BEND2: variants seen among roughly 807,000 people sequenced by gnomAD.
BEND2 encodes the protein BEN domain containing 2, also known as BEN domain-containing protein 2.
In BEND2, 19 loss-of-function variants were observed where a neutral mutation model predicts 43.8. The observed-to-expected ratio is 0.43, with a 90% CI of 0.30 to 0.64. The LOEUF (loss-of-function observed/expected upper bound fraction) is 0.64. Among genes scored for constraint, BEND2 ranks in the 30% least tolerant of loss-of-function variants. BEND2 has a pLI of 0.11. For synonymous variants in BEND2, 226 were observed against 210.1 expected, an observed-to-expected ratio of 1.08 and a Z score of -0.66; for missense variants, 544 against 574.0, an observed-to-expected ratio of 0.95 and a Z score of 0.53.
rs780231948 is a variant in BEND2, at chrX:18,184,385, G to C, written c.1289-3735C>G. On this transcript the variant is annotated intron_variant, in intron 8 of 13. Transcript: ENST00000380033. ...TAATCTCAGCTACTTGGGAGGCTGA[G>C]GCAGGAGAATCTCTTGAGCCCGGGA... Among the ~76,000 whole-genome samples the C allele has an allele frequency of 2.7e-5, 3 of 112,056 alleles. No homozygotes were observed. The East Asian group carries it at 8.5e-4, about 32-fold the overall frequency.
intron 7 of BEND2, among the ~76,000 whole-genome samples, chrX:18,191,485 C>A (rs1924768527): frequency 8.9e-6 from 1 of 111,866 alleles, no homozygotes; most frequent in African/African-American, 3.2e-5. Flanking sequence ...CTAAACATAC[C>A]ATTACCATAG....
rs773229467 is a variant in BEND2 at position 18,191,035 on chromosome X, A to T, written c.1254T>A (p.Asp418Glu). Residue 418 changes from aspartate to glutamate, a missense_variant, in exon 8 of 14, where the codon GAT (aspartate) becomes GAA (glutamate). Asp to Glu is a conservative substitution (Grantham distance 45, BLOSUM62 2). Coordinates refer to ENST00000380033, the MANE Select transcript of BEND2 (RefSeq NM_153346.5). ...TEMKNNCDQD[D>E]ASASACLTPD... ...GAGTGAGGCAGGCAGATGCTGAAGC[A>T]TCATCTTGGTCACAGTTATTTTTCA... The T allele has an allele frequency of 2.5e-6, 3 of 1,210,630 alleles. No individual in the cohort carries two copies. In the Admixed American group the frequency reaches 6.6e-5, roughly 26 times the overall value.
At chrX:18,195,542 T>C in intron 6 of BEND2, 100 bp from the exon 7 acceptor site, 1 of 838,917 alleles carries the variant, frequency 1.2e-6, no homozygotes, top group Non-Finnish European at 1.6e-6. Context: ...GAAAGAAAAC[T>C]AAAAAAATCT....
At chrX:18,172,185 T>C (rs1923997184) in intron 12 of BEND2, among the ~76,000 whole-genome samples, 1 of 110,835 alleles carries the variant, frequency 9.0e-6, no homozygotes, top group African/African-American at 3.3e-5. Context: ...AGAACATCCA[T>C]CATTTAATGG....
At chrX:18,202,497 G>A (rs1300894414) in intron 5 of BEND2, among the ~76,000 whole-genome samples, 2 of 111,588 alleles carry the variant, frequency 1.8e-5, no homozygotes, top group Non-Finnish European at 3.8e-5. Flanking sequence ...GGCTTCACAC[G>A]GCATTTTGAA....
rs1816757977 is a variant in BEND2 at position 18,165,202 on chromosome X, G to C, written c.2207C>G (p.Pro736Arg). 8.3e-7 allele frequency: 1 copy of C among 1,206,978 alleles called. No homozygotes were observed. The highest frequency in any genetic ancestry group is 1.8e-5 in the African/African-American group (1 of 56,944). ...TCCATTTTCCGAGAGATCACAAATTGGGTAGTTTTCTTGGAGGAACTCTGA... is the reference window on the plus strand; with the variant it reads ...TCCATTTTCCGAGAGATCACAAATTCGGTAGTTTTCTTGGAGGAACTCTGA... ...ALREFLQENY[P>R]ICDLSENGRD... Residue 736 changes from proline to arginine, a missense_variant, in exon 14 of 14, where the codon CCA (proline) becomes CGA (arginine). Coordinates refer to ENST00000380033, the MANE Select transcript of BEND2 (RefSeq NM_153346.5).
At chrX:18,213,371 A>G (rs143230813) in intron 3 of BEND2, among the ~76,000 whole-genome samples, 2,490 of 111,466 alleles carry the variant, frequency 0.022, 65 homozygotes, top group African/African-American at 0.075. Context: ...CCTGCATCAC[A>G]GTTACTGGGA....
intron 12 of BEND2, among the ~76,000 whole-genome samples, chrX:18,172,449 T>C (rs756015446): frequency 5.4e-5 from 6 of 111,459 alleles, no homozygotes; most frequent in Admixed American, 3.8e-4. Flanking sequence ...TCCAGCACTT[T>C]GGGAGGCTGA....
chrX:18,219,101 C>G (rs1483619544), intron 1 of BEND2, among the ~76,000 whole-genome samples: 5 of 111,800 alleles, frequency 4.5e-5, no homozygotes, highest in African/African-American at 1.3e-4. Flanking sequence ...TCCTGCGGGA[C>G]TCTCAAAGGC....
chrX:18,190,976 G>C, intron 8 of BEND2, 25 bp downstream of exon 8: 2 of 1,147,902 alleles, frequency 1.7e-6, no homozygotes, highest in South Asian at 3.8e-5. Context: ...AGTGCTACTT[G>C]TAACATATAT....
rs1432249651 is a variant in BEND2 at position 18,164,916 on chromosome X, C to T, written c.*93G>A. On this transcript the variant is annotated 3_prime_UTR_variant, in exon 14 of 14. Transcript: ENST00000380033. ...CAGGTGTCAATGCAAACTACTCTGC[C>T]AGTACAGCAGGCTGATTTTGGAATT... 5.3e-6 allele frequency: 5 copies of T among 952,114 alleles called. No individual in the cohort carries two copies. The South Asian group carries it at 7.0e-5, about 13-fold the overall frequency. 78.5% of individuals were successfully genotyped at this position (952,114 alleles called of 1,213,427 possible).
chrX:18,203,529 C>T lies in BEND2; in HGVS notation c.879G>A (p.Leu293=). The T allele has an allele frequency of 8.3e-7, 1 of 1,207,578 alleles. No individual in the cohort carries two copies. The highest frequency in any genetic ancestry group is 1.1e-6 in the Non-Finnish European group (1 of 892,336). ...AATTGGGATGGAAGCAGAAAGATGACAAGGCTCTACCTGGGCCCACATTTT... is the reference window on the plus strand; with the variant it reads ...AATTGGGATGGAAGCAGAAAGATGATAAGGCTCTACCTGGGCCCACATTTT... ...ENENVGPGRA[L]SSFCFHPNLE... Residue 293 remains leucine, a synonymous_variant, in exon 5 of 14, where the codon TTG becomes TTA. Coordinates refer to ENST00000380033, the MANE Select transcript of BEND2 (RefSeq NM_153346.5).
chrX:18,199,746 C>T (rs1602046990), intron 6 of BEND2, among the ~76,000 whole-genome samples: 1 of 109,428 alleles, frequency 9.1e-6, no homozygotes, highest in Admixed American at 9.8e-5. Flanking sequence ...CCTTGAAGAA[C>T]ATAAGGAAAA....
At chrX:18,185,922 A>G (rs1924555083) in intron 8 of BEND2, among the ~76,000 whole-genome samples, 1 of 111,229 alleles carries the variant, frequency 9.0e-6, no homozygotes, top group South Asian at 3.8e-4. Context: ...CCAGACAAAC[A>G]AAAGCTGACA....
At position 18,201,862 on chromosome X, in the gene BEND2, T is replaced by C. The variant is rs746142084; in HGVS notation, c.986A>G (p.Asn329Ser). 7.4e-6 allele frequency: 9 copies of C among 1,208,446 alleles called. No homozygotes were observed. Among genetic ancestry groups the C allele is most frequent in the Admixed American group, 2.2e-5 (1 of 45,505 alleles). The change falls in exon 6 of 14, where the codon AAT (asparagine) becomes AGT (serine). Residue 329 changes from asparagine (N) to serine (S), a missense_variant. Transcript: ENST00000380033. ...ANYPTLMGNY[N>S]GQNTASLSVF... ...AGATAAAGAGGCAGTATTTTGGCCATTGTAATTTCCCATTAAAGTTGGATA... is the reference window on the plus strand; with the variant it reads ...AGATAAAGAGGCAGTATTTTGGCCACTGTAATTTCCCATTAAAGTTGGATA...
At chrX:18,174,315 T>C (rs1229889099) in intron 11 of BEND2, 57 bp from the exon 12 acceptor site, 29 of 1,068,840 alleles carry the variant, frequency 2.7e-5, no homozygotes, top group Non-Finnish European at 3.6e-5. Context: ...AAAATATGTC[T>C]GTGCTCTACC....
At chrX:18,217,165 A>G (rs1312340467) in intron 1 of BEND2, among the ~76,000 whole-genome samples, 1 of 112,991 alleles carries the variant, frequency 8.9e-6, no homozygotes, top group Non-Finnish European at 1.9e-5. Context: ...CTGATAATGC[A>G]GAAATAAAGT....
At chrX:18,195,575 T>C (rs1924916207) in intron 6 of BEND2, 133 bp from the exon 7 acceptor site, 1 of 624,262 alleles carries the variant, frequency 1.6e-6, no homozygotes, top group Non-Finnish European at 2.3e-6. Flanking sequence ...CTTATCCATA[T>C]AAAAGGTTAA....
In BEND2 at chrX:18,213,908, G is replaced by T; in HGVS notation, c.242C>A (p.Ser81Tyr). Residue 81 changes from serine (S) to tyrosine (Y), a missense_variant, in exon 3 of 14, where the codon TCT becomes TAT. Physicochemically the swap from Ser to Tyr is moderately radical, Grantham distance 144. Transcript: ENST00000380033. ...CACTCCAGCCTGGGTGACAGAGCCA[G>T]ACCCTGACTCAAAAATAATAAGAAG... ...HHRPLQMSYGSGSVTQAGVQW... is the reference protein window; with the variant it reads ...HHRPLQMSYGYGSVTQAGVQW... 8.6e-6 allele frequency: 1 copy of T among 116,301 alleles called. No homozygotes were observed. The highest frequency in any genetic ancestry group is 1.8e-5 in the Non-Finnish European group (1 of 54,422). The allele number at this position is 116,301 out of a possible 1,213,427, so 9.6% of individuals were successfully genotyped here. A position where few individuals can be genotyped will look rare whatever the true frequency, so the allele number is the denominator to read the frequency against.
Sources: gnomAD v4.1 joint callset for allele counts (sites outside exome capture counted in the v4.1 genomes callset) on GRCh38, gnomAD v4.1.1 for gene constraint, MANE v1.5 for transcripts, NCBI Gene and HGNC (gene_info 2026-07-23, HGNC 2026-07-21) for gene names.